The following FHIT variants were observed in gnomAD, a reference collection of about 807,000 sequenced individuals.
The protein encoded by FHIT is fragile histidine triad diadenosine triphosphatase.
FHIT carries 19 observed loss-of-function variants against 17.9 expected under a neutral mutation model. The ratio of observed to expected loss-of-function variants is 1.06; its 90% CI spans 0.74 to 1.56. The LOEUF (loss-of-function observed/expected upper bound fraction) is 1.56. Ranked by LOEUF, FHIT falls within the 40% of genes most tolerant of loss-of-function variation. FHIT has a pLI of 0.00. For synonymous variants in FHIT, 81 were observed against 69.7 expected, an observed-to-expected ratio of 1.16 and a Z score of -0.81; for missense variants, 248 against 189.2, an observed-to-expected ratio of 1.31 and a Z score of -1.82.
chr3:59,980,690 T>C (rs1173701486), intron 7 of FHIT, among the ~76,000 whole-genome samples: 2 of 152,102 alleles, frequency 1.3e-5, no homozygotes, highest in Non-Finnish European at 2.9e-5. Flanking sequence ...CACTGCCTCA[T>C]CCCTTCCACC....
chr3:60,592,602 G>T (rs2038124996), intron 4 of FHIT, among the ~76,000 whole-genome samples: 1 of 152,128 alleles, frequency 6.6e-6, no homozygotes, highest in Non-Finnish European at 1.5e-5. Context: ...CTGGGCAGCA[G>T]GATGGAGGCA....
At chr3:59,780,563 A>G (rs953926796) in intron 8 of FHIT, among the ~76,000 whole-genome samples, 4 of 152,204 alleles carry the variant, frequency 2.6e-5, no homozygotes, top group African/African-American at 9.7e-5. Context: ...AAAATTCATT[A>G]ACACCACAAT....
intron 3 of FHIT, among the ~76,000 whole-genome samples, chr3:60,889,883 G>A (rs1406529740): frequency 3.9e-5 from 6 of 152,076 alleles, no homozygotes; most frequent in Admixed American, 3.9e-4. Context: ...AATCCTTTTT[G>A]TCAAAAGGGG....
chr3:60,991,896 T>A (rs748338546), intron 3 of FHIT, among the ~76,000 whole-genome samples: 23 of 152,102 alleles, frequency 1.5e-4, no homozygotes, highest in Non-Finnish European at 2.9e-4. Context: ...GAATACAGAC[T>A]TATGGGAGAC....
intron 2 of FHIT, among the ~76,000 whole-genome samples, chr3:61,108,782 G>A (rs1233144026): frequency 1.3e-5 from 2 of 152,172 alleles, no homozygotes; most frequent in African/African-American, 4.8e-5. Flanking sequence ...TTGTGTGGGT[G>A]TGGCAGCCAT....
intron 8 of FHIT, among the ~76,000 whole-genome samples, chr3:59,805,078 CCT>C (rs1374025725): frequency 6.6e-6 from 1 of 152,076 alleles, no homozygotes; most frequent in Admixed American, 6.5e-5. Flanking sequence ...AAAGAGTCCT[CCT>C]CTGTCTAGCT....
intron 5 of FHIT, among the ~76,000 whole-genome samples, chr3:60,406,369 C>T (rs2107208317): frequency 6.6e-6 from 1 of 152,226 alleles, no homozygotes; most frequent in Non-Finnish European, 1.5e-5. Context: ...GCTGTTTTAT[C>T]CCTCTCTTCA....
At chr3:61,169,961 G>C (rs1026647133) in intron 2 of FHIT, among the ~76,000 whole-genome samples, 2 of 152,168 alleles carry the variant, frequency 1.3e-5, no homozygotes, top group Non-Finnish European at 2.9e-5. Flanking sequence ...CAATGACTTA[G>C]ACATCAAGGG....
intron 3 of FHIT, among the ~76,000 whole-genome samples, chr3:60,857,497 T>A (rs1174696735): frequency 2.0e-5 from 3 of 151,920 alleles, no homozygotes; most frequent in African/African-American, 7.3e-5. Flanking sequence ...TGACAAAAGC[T>A]TTTCAATAAG....
At chr3:60,082,774 T>G (rs995715331) in intron 5 of FHIT, among the ~76,000 whole-genome samples, 2 of 152,124 alleles carry the variant, frequency 1.3e-5, no homozygotes, top group African/African-American at 4.8e-5. Context: ...TATGTGTTGT[T>G]TTGAGAAGTG....
chr3:59,883,675 A>C (rs1453719462), intron 8 of FHIT, among the ~76,000 whole-genome samples: 3 of 152,242 alleles, frequency 2.0e-5, no homozygotes, highest in African/African-American at 7.2e-5. Context: ...AAATACTCTC[A>C]GTAGTGTGCT....
At chr3:60,306,119 G>A (rs1021862080) in intron 5 of FHIT, among the ~76,000 whole-genome samples, 4 of 152,080 alleles carry the variant, frequency 2.6e-5, no homozygotes, top group Admixed American at 6.6e-5. Context: ...GTATTAAAGC[G>A]TAAAAGTCTA....
chr3:60,834,937 A>G (rs1398639708), intron 3 of FHIT, among the ~76,000 whole-genome samples: 2 of 151,872 alleles, frequency 1.3e-5, no homozygotes, highest in Non-Finnish European at 2.9e-5. Context: ...TAATTCTGAT[A>G]TAGTCCAATA....
intron 5 of FHIT, among the ~76,000 whole-genome samples, chr3:60,344,848 TA>T (rs1454040266): frequency 6.6e-6 from 1 of 151,514 alleles, no homozygotes; most frequent in Non-Finnish European, 1.5e-5. Context: ...CAAGATATCA[TA>T]AAAGTCTACA....
chr3:60,846,933 C>G (rs1251522115), intron 3 of FHIT, among the ~76,000 whole-genome samples: 4 of 152,070 alleles, frequency 2.6e-5, no homozygotes, highest in Admixed American at 2.6e-4. Flanking sequence ...AAGCAATTCT[C>G]CTGCCTCAGG....
At chr3:60,553,766 G>C (rs901640102) in intron 4 of FHIT, among the ~76,000 whole-genome samples, 2 of 151,920 alleles carry the variant, frequency 1.3e-5, no homozygotes, top group African/African-American at 2.4e-5. Context: ...CCAGCATCAA[G>C]GCCTAGAGCT....
intron 4 of FHIT, among the ~76,000 whole-genome samples, chr3:60,564,819 C>A (rs750840933): frequency 4.6e-5 from 7 of 152,104 alleles, no homozygotes; most frequent in Non-Finnish European, 1.0e-4. Flanking sequence ...GTCGAAATGA[C>A]AACAAAGAAT....
intron 2 of FHIT, among the ~76,000 whole-genome samples, chr3:61,117,597 C>T (rs942857458): frequency 3.3e-5 from 5 of 152,116 alleles, no homozygotes; most frequent in Non-Finnish European, 5.9e-5. Context: ...CCACTAAAAG[C>T]GATACTTACT....
chr3:61,051,627 G>T (rs1368683062), intron 2 of FHIT, among the ~76,000 whole-genome samples: 1 of 152,106 alleles, frequency 6.6e-6, no homozygotes, highest in Admixed American at 6.6e-5. Context: ...CTACCACTGG[G>T]TTGGCAAATG....
Sources: gnomAD v4.1 joint callset for allele counts (sites outside exome capture counted in the v4.1 genomes callset) on GRCh38, gnomAD v4.1.1 for gene constraint, MANE v1.5 for transcripts, NCBI Gene and HGNC (gene_info 2026-07-23, HGNC 2026-07-21) for gene names.